Variants in CDNF observed in about 807,000 individuals in gnomAD.
The protein encoded by CDNF is ARMET-like protein 1.
A neutral mutation model predicts 14.8 loss-of-function variants in CDNF; 9 were observed. The ratio of observed to expected loss-of-function variants is 0.61; its 90% CI spans 0.37 to 1.06. CDNF has a LOEUF of 1.06. CDNF is among the 50% of genes least tolerant of loss of function. CDNF has a pLI of 0.01. For synonymous variants in CDNF, 86 were observed against 87.2 expected, an observed-to-expected ratio of 0.99 and a Z score of 0.07; for missense variants, 228 against 228.4, an observed-to-expected ratio of 1.00 and a Z score of 0.01.
chr10:14,820,109 T>C lies in CDNF; in HGVS notation c.435A>G (p.Ala145=), dbSNP rs1451773610. Residue 145 remains alanine (A), a synonymous_variant, in exon 4 of 4, where the codon GCA becomes GCG. Coordinates refer to ENST00000465530, the MANE Select transcript of CDNF (RefSeq NM_001029954.3). ...AGCTATGCAGGATCTGCTTCAGCTC[T>C]GCCACTCTCATCTTCCGCAGGTCAA... The part of the protein sequence containing the change: ...ASVDLRKMRV[A]ELKQILHSWG... The C allele has an allele frequency of 1.2e-6, 2 of 1,614,108 alleles. No homozygotes were observed. Among genetic ancestry groups the C allele is most frequent in the African/African-American group, 2.7e-5 (2 of 74,946 alleles).
At chr10:14,833,938 G>T (rs144178153) in intron 1 of CDNF, among the ~76,000 whole-genome samples, 1 of 152,176 alleles carries the variant, frequency 6.6e-6, no homozygotes, top group Non-Finnish European at 1.5e-5. Flanking sequence ...TATATTACAC[G>T]TGGAAAATGA....
At chr10:14,828,989 C>A (rs113893385) in intron 1 of CDNF, among the ~76,000 whole-genome samples, 151 of 152,234 alleles carry the variant, frequency 9.9e-4, no homozygotes, top group African/African-American at 3.3e-3. Context: ...CAAGCCACTG[C>A]ACTGCAGCCT....
Position 14,827,237 on chromosome 10 carries a change from TATAG to T in CDNF, c.243+904_243+907del, listed in dbSNP as rs144259511. 1.3e-4 allele frequency among the ~76,000 whole-genome samples: 20 copies of T among 151,592 alleles called. No homozygotes were observed. The East Asian group carries it at 3.3e-3, about 25-fold the overall frequency. On this transcript the variant is annotated intron_variant, in intron 2 of 3. Coordinates refer to ENST00000465530, the MANE Select transcript of CDNF (RefSeq NM_001029954.3). ...AGAGGGAGACCCTGTCTCAAAAAAA[TATAG>T]ATAGATAGACCTTAATGATACGGAT...
At chr10:14,837,774 C>A in intron 1 of CDNF, 58 bp downstream of exon 1, 1 of 1,061,948 alleles carries the variant, frequency 9.4e-7, no homozygotes, top group Non-Finnish European at 1.4e-6. Flanking sequence ...CCAAAGCCGA[C>A]AGCTGCTGCG....
chr10:14,832,608 C>A (rs1833852753), intron 1 of CDNF, among the ~76,000 whole-genome samples: 2 of 152,130 alleles, frequency 1.3e-5, no homozygotes, highest in African/African-American at 4.8e-5. Flanking sequence ...TAGACCAGGG[C>A]AGTAGCTACA....
At chr10:14,832,030 C>T (rs1364078368) in intron 1 of CDNF, among the ~76,000 whole-genome samples, 2 of 152,030 alleles carry the variant, frequency 1.3e-5, no homozygotes, top group African/African-American at 2.4e-5. Flanking sequence ...AAAGAACTTG[C>T]CCTTGAGAGT....
chr10:14,826,194 C>CAGAAGCAGAAGA (rs1554764064), intron 2 of CDNF, among the ~76,000 whole-genome samples: 1 of 113,234 alleles, frequency 8.8e-6, no homozygotes, highest in African/African-American at 3.8e-5. Flanking sequence ...GCAGAAGCAG[C>CAGAAGCAGAAGA]AGAAGAAGAA....
intron 3 of CDNF, among the ~76,000 whole-genome samples, chr10:14,821,706 G>T (rs1182585591): frequency 6.6e-6 from 1 of 152,092 alleles, no homozygotes; most frequent in Non-Finnish European, 1.5e-5. Context: ...AAAACTAAGG[G>T]CCTATGTAGT....
intron 2 of CDNF, among the ~76,000 whole-genome samples, chr10:14,826,089 AAGAAGAAGCAGCAGCAGCAGCAGC>A (rs1833783621): frequency 2.4e-5 from 3 of 125,412 alleles, no homozygotes; most frequent in South Asian, 2.7e-4. Context: ...GAAGAAGAAG[AAGAAGAAGCAGCAGCAGCAGCAGC>A]AGCAGCAGCA....
At chr10:14,832,600 G>GACCA (rs1833852680) in intron 1 of CDNF, among the ~76,000 whole-genome samples, 1 of 152,176 alleles carries the variant, frequency 6.6e-6, no homozygotes, top group Non-Finnish European at 1.5e-5. Flanking sequence ...GCATCTCTTA[G>GACCA]ACCAGGGCAG....
intron 2 of CDNF, among the ~76,000 whole-genome samples, chr10:14,826,032 A>AAGGAGAAGG (rs1244755400): frequency 1.6e-3 from 69 of 42,088 alleles, no homozygotes; most frequent in African/African-American, 4.8e-3. Flanking sequence ...GAAGAAGGAG[A>AAGGAGAAGG]AGAAGAAGAA....
In CDNF at chr10:14,837,822, C is replaced by A. The variant is rs1271219113; in HGVS notation, c.115+10G>T. The A allele has an allele frequency of 3.0e-5, 47 of 1,546,688 alleles. No homozygotes were observed. The highest frequency in any genetic ancestry group is 4.1e-5 in the Non-Finnish European group (47 of 1,139,110). ...GCCGCCGCCATGCAAGCAGTTGTCA[C>A]ACCGCTCACCTTCACAGTCGGCCCC... On this transcript the variant is annotated intron_variant, in intron 1 of 3. Coordinates refer to ENST00000465530, the MANE Select transcript of CDNF (RefSeq NM_001029954.3).
intron 3 of CDNF, 99 bp from the exon 4 acceptor site, chr10:14,820,257 G>T: frequency 8.6e-7 from 1 of 1,165,706 alleles, no homozygotes. Flanking sequence ...TCTTGGTGCT[G>T]ACTACCCTAT....
In CDNF at chr10:14,837,902, C is replaced by A; in HGVS notation, c.45G>T (p.Gly15=). 1 of 1,607,418 alleles carries A rather than the reference C, an allele frequency of 6.2e-7. No individual in the cohort carries two copies. The highest frequency in any genetic ancestry group is 1.1e-5 in the South Asian group (1 of 90,166). The change falls in exon 1 of 4, where the codon GGG becomes GGT. Residue 15 remains glycine, a synonymous_variant. Coordinates refer to ENST00000465530, the MANE Select transcript of CDNF (RefSeq NM_001029954.3). ...SPVAVVAFCA[G]LLVSHPVLTQ... ...TCAGCACCGGGTGAGAGACCAAAAG[C>A]CCGGCGCAAAAGGCCACCACAGCAA...
chr10:14,825,650 C>T (rs1291795820), intron 2 of CDNF, 30 bp from the exon 3 acceptor site: 6 of 1,607,588 alleles, frequency 3.7e-6, no homozygotes, highest in Non-Finnish European at 5.1e-6. Flanking sequence ...ATTGAGTGTT[C>T]CAGACAATGA....
intron 2 of CDNF, among the ~76,000 whole-genome samples, chr10:14,826,397 A>AAGC (rs1204172867): frequency 2.0e-5 from 3 of 151,382 alleles, no homozygotes; most frequent in Non-Finnish European, 4.4e-5. Flanking sequence ...GAAGCAGAAG[A>AAGC]AGCAGCAGCA....
chr10:14,823,683 AC>A (rs567394100), intron 3 of CDNF, among the ~76,000 whole-genome samples: 2 of 152,110 alleles, frequency 1.3e-5, no homozygotes, highest in South Asian at 2.1e-4. Flanking sequence ...GCTCAACACC[AC>A]ACCTGGCTAA....
intron 1 of CDNF, among the ~76,000 whole-genome samples, 173 bp from the exon 2 acceptor site, chr10:14,828,445 G>A (rs894986796): frequency 1.3e-5 from 2 of 151,190 alleles, no homozygotes; most frequent in South Asian, 2.1e-4. Flanking sequence ...TCAGGATATC[G>A]AGACCATCCC....
At chr10:14,829,775 G>A (rs911843148) in intron 1 of CDNF, among the ~76,000 whole-genome samples, 14 of 151,952 alleles carry the variant, frequency 9.2e-5, no homozygotes, top group Non-Finnish European at 1.6e-4. Context: ...GATTACAGGC[G>A]CTCGCCACCA....
Sources: gnomAD v4.1 joint callset for allele counts (sites outside exome capture counted in the v4.1 genomes callset) on GRCh38, gnomAD v4.1.1 for gene constraint, MANE v1.5 for transcripts, NCBI Gene and HGNC (gene_info 2026-07-23, HGNC 2026-07-21) for gene names.